The following CTNNA3 variants were observed in gnomAD, a reference collection of about 807,000 sequenced individuals.
CTNNA3 encodes the protein catenin alpha-3.
Under a neutral mutation model 95.7 loss-of-function variants are expected in CTNNA3, and 76 were observed. The ratio of observed to expected loss-of-function variants is 0.79; its 90% confidence interval spans 0.66 to 0.96. CTNNA3 has a LOEUF of 0.96. Ranked by LOEUF, CTNNA3 falls within the 40% of genes least tolerant of loss-of-function variation. The pLI, the probability that CTNNA3 is intolerant of heterozygous loss-of-function variation, is 0.00. For synonymous variants in CTNNA3, 431 were observed against 374.4 expected (o/e 1.15, Z -1.74); for missense variants, 1,191 against 1,089.8 (o/e 1.09, Z -1.31).
At chr10:66,080,210 C>T (rs1340992056) in intron 14 of CTNNA3, among the ~76,000 whole-genome samples, 2 of 152,140 alleles carry the variant, frequency 1.3e-5, no homozygotes, top group Non-Finnish European at 2.9e-5. Flanking sequence ...TTCTTCTCTG[C>T]ATTTCTGATC....
rs144128910 is a variant in CTNNA3, at chr10:66,617,375, G to A, written c.1374+4317C>T. Among the ~76,000 whole-genome samples the A allele has an allele frequency of 3.3e-3, 502 of 152,150 alleles. 5 individuals carry two copies. Among genetic ancestry groups the A allele is most frequent in the African/African-American group, 0.012 (482 of 41,516 alleles). ...AAGCTTATCCACCATGATCAAGTGG[G>A]CTTCATCCTGGGATGCAAGGCTGGT... On this transcript the variant is annotated intron_variant, in intron 10 of 17. Transcript: ENST00000433211.
intron 5 of CTNNA3, among the ~76,000 whole-genome samples, chr10:67,380,460 A>T (rs139760903): frequency 1.3e-5 from 2 of 152,346 alleles, no homozygotes; most frequent in East Asian, 3.9e-4. Flanking sequence ...TGGGTTGTGT[A>T]TAAAAGTTAA....
chr10:66,182,319 G>A (rs1413519025), intron 13 of CTNNA3, among the ~76,000 whole-genome samples: 2 of 150,458 alleles, frequency 1.3e-5, no homozygotes, highest in African/African-American at 4.9e-5. Flanking sequence ...GCAGTGGCGC[G>A]ATCTTGGCTC....
intron 7 of CTNNA3, among the ~76,000 whole-genome samples, chr10:66,947,075 G>T (rs1016698788): frequency 3.3e-5 from 5 of 151,874 alleles, no homozygotes; most frequent in Non-Finnish European, 5.9e-5. Flanking sequence ...ATCTCTCCAG[G>T]GCAGCCTTCT....
intron 7 of CTNNA3, among the ~76,000 whole-genome samples, chr10:66,998,678 T>C (rs1279032214): frequency 6.6e-6 from 1 of 152,096 alleles, no homozygotes; most frequent in African/African-American, 2.4e-5. Context: ...TCCAAACTCA[T>C]ATGTGAGAAA....
At chr10:66,755,734 C>T (rs1423059475) in intron 9 of CTNNA3, among the ~76,000 whole-genome samples, 6 of 152,096 alleles carry the variant, frequency 3.9e-5, no homozygotes, top group Non-Finnish European at 7.4e-5. Context: ...TCAGTCTAAA[C>T]GTTGCCAGTC....
At position 67,391,752 on chromosome 10, in the gene CTNNA3, A is replaced by G. The variant is rs1487122528; in HGVS notation, c.579+130090T>C. On this transcript the variant is annotated intron_variant, in intron 5 of 17. Coordinates refer to ENST00000433211, the MANE Select transcript of CTNNA3 (RefSeq NM_013266.4). The stretch of plus-strand genomic sequence containing the variant: ...ACAGAGCCCTCAGAAATAACGCCGC[A>G]TATCTACAACTATCTGATCTTTGAC... Among the ~76,000 whole-genome samples, 257 of 149,940 alleles carry G rather than the reference A, an allele frequency of 1.7e-3. 6 individuals are homozygous for G. The South Asian group carries it at 0.051, about 30-fold the overall frequency.
At chr10:66,949,779 G>C (rs1848443801) in intron 7 of CTNNA3, among the ~76,000 whole-genome samples, 1 of 152,092 alleles carries the variant, frequency 6.6e-6, no homozygotes, top group Non-Finnish European at 1.5e-5. Flanking sequence ...ATTTCACAGG[G>C]CTTGTGTTCC....
chr10:66,988,216 A>T lies in CTNNA3; in HGVS notation c.1047+192101T>A, dbSNP rs115290067. Among the ~76,000 whole-genome samples the T allele has an allele frequency of 3.4e-3, 521 of 152,272 alleles. 8 individuals are homozygous for T. Among genetic ancestry groups the T allele is most frequent in the African/African-American group, 0.012 (500 of 41,566 alleles). Reference sequence around the variant, plus strand: ...CAAACTCAAGTATCTTCATTGATTTAAAAATGATCCCCAAAATAATACTAC... The same window carrying T: ...CAAACTCAAGTATCTTCATTGATTTTAAAATGATCCCCAAAATAATACTAC... On this transcript the variant is annotated intron_variant, in intron 7 of 17. Coordinates refer to ENST00000433211, the MANE Select transcript of CTNNA3 (RefSeq NM_013266.4).
chr10:66,913,021 C>T (rs1300091353), intron 7 of CTNNA3, among the ~76,000 whole-genome samples: 1 of 151,786 alleles, frequency 6.6e-6, no homozygotes, highest in Non-Finnish European at 1.5e-5. Flanking sequence ...GGGCGGATCA[C>T]GAGGTCAGGA....
At chr10:66,428,900 G>A (rs1439844273) in intron 11 of CTNNA3, among the ~76,000 whole-genome samples, 7 of 151,846 alleles carry the variant, frequency 4.6e-5, no homozygotes, top group African/African-American at 7.3e-5. Flanking sequence ...AAATAACTAA[G>A]ATCAGAGCAG....
chr10:66,653,838 A>T (rs1845990105), intron 9 of CTNNA3, among the ~76,000 whole-genome samples: 1 of 152,092 alleles, frequency 6.6e-6, no homozygotes, highest in Admixed American at 6.5e-5. Context: ...GGGTGCCAAG[A>T]ATAGAAAATG....
intron 5 of CTNNA3, among the ~76,000 whole-genome samples, chr10:67,243,721 T>TC (rs1361580411): frequency 1.3e-5 from 2 of 152,178 alleles, no homozygotes; most frequent in East Asian, 3.9e-4. Flanking sequence ...TGTTCCAGTC[T>TC]CCCCTGCACC....
intron 3 of CTNNA3, among the ~76,000 whole-genome samples, chr10:67,557,153 G>C (rs1274744767): frequency 1.3e-5 from 2 of 152,076 alleles, no homozygotes; most frequent in African/African-American, 4.8e-5. Context: ...GGCTTCAATG[G>C]CTAACCTTGA....
At chr10:67,217,647 C>G (rs904009668) in intron 6 of CTNNA3, among the ~76,000 whole-genome samples, 1 of 152,114 alleles carries the variant, frequency 6.6e-6, no homozygotes, top group Non-Finnish European at 1.5e-5. Context: ...CAGTCACTTT[C>G]AACTAAAAAG....
chr10:66,435,929 T>C (rs1195697448), intron 11 of CTNNA3, among the ~76,000 whole-genome samples: 1 of 148,966 alleles, frequency 6.7e-6, no homozygotes, highest in Non-Finnish European at 1.5e-5. Flanking sequence ...CCTTAATTTA[T>C]TTACCCAATA....
intron 9 of CTNNA3, among the ~76,000 whole-genome samples, chr10:66,754,162 G>A (rs1839276356): frequency 6.6e-6 from 1 of 152,148 alleles, no homozygotes; most frequent in Admixed American, 6.6e-5. Context: ...AAGATAGAGT[G>A]GTACTGGCAT....
intron 13 of CTNNA3, among the ~76,000 whole-genome samples, chr10:66,240,451 T>C (rs2090051919): frequency 6.6e-6 from 1 of 152,088 alleles, no homozygotes; most frequent in South Asian, 2.1e-4. Flanking sequence ...AAACAAATAA[T>C]AGTCTTTATA....
In CTNNA3 at chr10:67,156,167, G is replaced by A. The variant is rs531933235; in HGVS notation, c.1047+24150C>T. On this transcript the variant is annotated intron_variant, in intron 7 of 17. Coordinates refer to ENST00000433211, the MANE Select transcript of CTNNA3 (RefSeq NM_013266.4). The stretch of plus-strand genomic sequence containing the variant: ...TACTCTGTCATTTATAATTTTATTT[G>A]AGTCTTTTTTTCTCTTACTTTTGCT... 8.4e-4 allele frequency among the ~76,000 whole-genome samples: 128 copies of A among 151,866 alleles called. 1 individual carries two copies. The highest frequency in any genetic ancestry group is 2.9e-3 in the African/African-American group (119 of 41,482).
Sources: gnomAD v4.1 joint callset for allele counts (sites outside exome capture counted in the v4.1 genomes callset) on GRCh38, gnomAD v4.1.1 for gene constraint, MANE v1.5 for transcripts, NCBI Gene and HGNC (gene_info 2026-07-23, HGNC 2026-07-21) for gene names.